SLC48A1: variants seen among roughly 807,000 people sequenced by gnomAD.
SLC48A1 encodes the protein solute carrier family 48 member 1, also known as heme transporter HRG1.
Under a neutral mutation model 14.8 loss-of-function variants are expected in SLC48A1, and 6 were observed. The observed-to-expected ratio is 0.41, with a 90% confidence interval of 0.22 to 0.80. The LOEUF (loss-of-function observed/expected upper bound fraction) is 0.80, where lower values mean the gene tolerates loss of function less well. Ranked by LOEUF, SLC48A1 falls within the 30% of genes least tolerant of loss-of-function variation. SLC48A1 has a pLI of 0.34. For missense variants in SLC48A1, 165 were observed against 204.8 expected, an observed-to-expected ratio of 0.81 and a Z score of 1.19; for synonymous variants, 89 against 90.0, an observed-to-expected ratio of 0.99 and a Z score of 0.06.
upstream of SLC48A1, among the ~76,000 whole-genome samples, chr12:47,770,362 T>C (rs2136857572): frequency 6.6e-6 from 1 of 152,364 alleles, no homozygotes; most frequent in East Asian, 1.9e-4. Context: ...TCCCCTGACC[T>C]TTAGGTTCAG....
chr12:47,769,223 G>GC (rs1942577173), upstream of SLC48A1: 1 of 152,248 alleles, frequency 6.6e-6, no homozygotes. Context: ...GAGGTACTGT[G>GC]CCCAGAAAGA....
chr12:47,779,316 C>T lies in SLC48A1; in HGVS notation c.304+121C>T, dbSNP rs1001523264. 22 of 1,326,044 alleles carry T rather than the reference C, an allele frequency of 1.7e-5. No individual in the cohort carries two copies. In the Admixed American group the frequency reaches 2.5e-4, roughly 15 times the overall value. The allele number at this position is 1,326,044 out of a possible 1,614,324, so 82.1% of individuals were successfully genotyped here. On this transcript the variant is annotated intron_variant, in intron 2 of 2. Transcript: ENST00000442218. The stretch of plus-strand genomic sequence containing the variant: ...GACTGGGTGAATTACTTAACCTCCC[C>T]GGACACGGGTTTTGTTATGGTTCAT...
rs781258748 is a variant in SLC48A1, at chr12:47,780,548, CTTTTCTTTCTTTTTT to C, written c.*276_*290del. 3.1e-6 allele frequency: 2 copies of C among 646,774 alleles called. No homozygotes were observed. The highest frequency in any genetic ancestry group is 3.1e-5 in the South Asian group (2 of 64,980). The allele number at this position is 646,774 out of a possible 1,614,324, so 40.1% of individuals were successfully genotyped here. On this transcript the variant is annotated 3_prime_UTR_variant, in exon 3 of 3. Transcript: ENST00000442218. ...AGACCTTTTCAAATGAATCTGTTTT[CTTTTCTTTCTTTTTT>C]TTTTCTTTTTTTTTTTTTTTTGAGA...
Position 47,781,012 on chromosome 12 carries a change from C to A in SLC48A1, c.*731C>A. 1 of 467,374 alleles carries A rather than the reference C, an allele frequency of 2.1e-6. No individual in the cohort carries two copies. Among genetic ancestry groups the A allele is most frequent in the South Asian group, 1.6e-5 (1 of 63,238 alleles). The allele number at this position is 467,374 out of a possible 1,614,324, so 29.0% of individuals were successfully genotyped here. On this transcript the variant is annotated 3_prime_UTR_variant, in exon 3 of 3. Coordinates refer to ENST00000442218, the MANE Select transcript of SLC48A1 (RefSeq NM_017842.3). ...TCCCCGCTGCCCTAGGCACTCTCTTCCCAAGGCCAGGTTGGGCACCTGGGG... is the reference window on the plus strand; with the variant it reads ...TCCCCGCTGCCCTAGGCACTCTCTTACCAAGGCCAGGTTGGGCACCTGGGG...
At chr12:47,758,345 C>A, upstream of SLC48A1, 1 of 1,448,682 alleles carries the variant, frequency 6.9e-7, no homozygotes. Flanking sequence ...ATCTCACTGC[C>A]CATGCCCCTG....
At chr12:47,760,919 G>T (rs960813168) in intron 2 of SLC48A1, among the ~76,000 whole-genome samples, 1 of 152,164 alleles carries the variant, frequency 6.6e-6, no homozygotes, top group Admixed American at 6.5e-5. Flanking sequence ...AATTGAGGCC[G>T]GGTGCGATGG....
upstream of SLC48A1, among the ~76,000 whole-genome samples, chr12:47,769,963 T>C (rs925853407): frequency 7.2e-5 from 11 of 152,268 alleles, no homozygotes; most frequent in African/African-American, 2.7e-4. Context: ...AAGTATTCAA[T>C]AGCCACCTGT....
upstream of SLC48A1, chr12:47,757,756 T>C (rs916128441): frequency 2.8e-6 from 3 of 1,074,446 alleles, no homozygotes; most frequent in African/African-American, 3.1e-5. Context: ...GCTGTACCAC[T>C]GTACACCCCC....
Position 47,780,980 on chromosome 12 carries a change from G to T in SLC48A1, c.*699G>T, listed in dbSNP as rs189158016. On this transcript the variant is annotated 3_prime_UTR_variant, in exon 3 of 3. Transcript: ENST00000442218. Reference sequence around the variant, plus strand: ...GCCTGGACCTATGCTGCAGGCAAGGGTTTCCATCCCCGCTGCCCTAGGCAC... The same window carrying T: ...GCCTGGACCTATGCTGCAGGCAAGGTTTTCCATCCCCGCTGCCCTAGGCAC... The T allele has an allele frequency of 1.5e-5, 8 of 519,924 alleles. No individual in the cohort carries two copies. Among genetic ancestry groups the T allele is most frequent in the African/African-American group, 1.2e-4 (6 of 51,636 alleles). 32.2% of individuals were successfully genotyped at this position (519,924 alleles called of 1,614,324 possible).
At chr12:47,779,275 A>C (rs1199735769) in intron 2 of SLC48A1, 80 bp downstream of exon 2, 3 of 1,470,428 alleles carry the variant, frequency 2.0e-6, no homozygotes, top group Non-Finnish European at 2.7e-6. Flanking sequence ...CTGGTTCCAC[A>C]GGTTACCTCC....
At chr12:47,759,096 G>A in intron 1 of SLC48A1, 1 of 986,014 alleles carries the variant, frequency 1.0e-6, no homozygotes, top group Non-Finnish European at 1.2e-6. Context: ...GGGCAGGAGC[G>A]GCCCCGAAGT....
chr12:47,758,078 C>T, upstream of SLC48A1: 1 of 1,560,872 alleles, frequency 6.4e-7, no homozygotes, highest in Non-Finnish European at 8.7e-7. Flanking sequence ...GGCCAGCCCA[C>T]CTGTGACACG....
intron 2 of SLC48A1, 31 bp from the exon 3 acceptor site, chr12:47,780,114 A>G (rs761688732): frequency 6.6e-7 from 1 of 1,519,772 alleles, no homozygotes; most frequent in South Asian, 1.3e-5. Context: ...AGGGCCTGCC[A>G]AAGTCACTGT....
At chr12:47,760,162 A>G in intron 1 of SLC48A1, 1 of 968,232 alleles carries the variant, frequency 1.0e-6, no homozygotes, top group Non-Finnish European at 1.2e-6. Flanking sequence ...AGCAATTCAT[A>G]TTCAATCCTA....
At chr12:47,756,840 A>T (rs1942089303), upstream of SLC48A1, among the ~76,000 whole-genome samples, 1 of 151,994 alleles carries the variant, frequency 6.6e-6, no homozygotes, top group Non-Finnish European at 1.5e-5. Context: ...GTGGTGGCGC[A>T]CACCTGTAGC....
At chr12:47,755,199 A>G (rs1181599100), upstream of SLC48A1, among the ~76,000 whole-genome samples, 1 of 152,164 alleles carries the variant, frequency 6.6e-6, no homozygotes. Context: ...CAGCTTTGCC[A>G]CTTAGCAGCT....
chr12:47,758,767 G>T (rs964751006), intron 1 of SLC48A1: 1 of 1,241,752 alleles, frequency 8.1e-7, no homozygotes, highest in Non-Finnish European at 1.0e-6. Context: ...GTAGAGGGGT[G>T]GGGGCGTGGT....
rs571193827 is a variant in SLC48A1 at position 47,764,722 on chromosome 12, G to A, written c.-187+4321G>A. Among the ~76,000 whole-genome samples, 51 of 152,282 alleles carry A rather than the reference G, an allele frequency of 3.3e-4. 1 individual carries two copies. The highest frequency in any genetic ancestry group is 4.8e-4 in the African/African-American group (20 of 41,548). On this transcript the variant is annotated intron_variant, in intron 2 of 4. Transcript: ENST00000547002. ...AAGTACTGGGGTCAGAGAAGAAACC[G>A]AATAGGCCAAAGTTTTCCTGGCATC... is the stretch of plus-strand genomic sequence containing the variant.
upstream of SLC48A1, among the ~76,000 whole-genome samples, chr12:47,757,532 C>T (rs532410697): frequency 5.7e-4 from 87 of 152,300 alleles, no homozygotes; most frequent in African/African-American, 2.0e-3. Flanking sequence ...ACCCGGCCCC[C>T]ATACCTCCCA....
Sources: allele counts gnomAD v4.1 joint callset (sites outside exome capture counted in the v4.1 genomes callset), GRCh38; gene constraint gnomAD v4.1.1; transcripts MANE v1.5; gene names NCBI Gene and HGNC (gene_info 2026-07-23, HGNC 2026-07-21).